CD99L2: variants seen among roughly 807,000 people sequenced by gnomAD.
CD99L2 encodes the protein CD99 molecule like 2, also known as CD99 antigen-like protein 2.
CD99L2 carries 24 observed loss-of-function variants against 27.3 expected under a neutral mutation model. The ratio of observed to expected loss-of-function variants is 0.88; its 90% CI spans 0.64 to 1.24. The LOEUF is 1.24. Ranked by LOEUF, CD99L2 falls within the 50% of genes most tolerant of loss-of-function variation. The pLI is 0.00. For synonymous variants in CD99L2, 97 were observed against 87.9 expected, an observed-to-expected ratio of 1.10 and a Z score of -0.58; for missense variants, 255 against 221.6, an observed-to-expected ratio of 1.15 and a Z score of -0.96.
intron 1 of CD99L2, among the ~76,000 whole-genome samples, chrX:150,871,247 C>A (rs2047151992): frequency 9.0e-6 from 1 of 111,536 alleles, no homozygotes; most frequent in Non-Finnish European, 1.9e-5. Context: ...AAGCTGTAAC[C>A]CCACACCAGA....
At position 150,896,688 on chromosome X, in the gene CD99L2, G is replaced by A. The variant is rs2047616574; in HGVS notation, c.67+1834C>T. On this transcript the variant is annotated intron_variant, in intron 1 of 10. Transcript: ENST00000370377. ...CTTTGTGATTGTCAGGCATCATATG[G>A]ATGATCAAACAAGTTCGGGGAACTC... Among the ~76,000 whole-genome samples, 3 of 112,584 alleles carry A rather than the reference G, an allele frequency of 2.7e-5. No individual in the cohort carries two copies. The South Asian group carries it at 1.1e-3, about 41-fold the overall frequency.
chrX:150,794,591 A>C (rs2045758613), intron 6 of CD99L2, among the ~76,000 whole-genome samples: 1 of 112,543 alleles, frequency 8.9e-6, no homozygotes, highest in Non-Finnish European at 1.9e-5. Context: ...TAAGAGTTTC[A>C]CACTCCACAC....
intron 1 of CD99L2, among the ~76,000 whole-genome samples, chrX:150,843,360 CTTTTCTGGGCTG>C (rs1234255718): frequency 8.9e-6 from 1 of 111,843 alleles, no homozygotes; most frequent in Non-Finnish European, 1.9e-5. Context: ...AATCCTGACC[CTTTTCTGGGCTG>C]GGCACAGTGG....
At chrX:150,812,431 G>A (rs910290416) in intron 4 of CD99L2, among the ~76,000 whole-genome samples, 1 of 112,069 alleles carries the variant, frequency 8.9e-6, no homozygotes. Context: ...AGGATATACA[G>A]ATGGCAAACA....
intron 1 of CD99L2, among the ~76,000 whole-genome samples, chrX:150,858,554 G>T (rs2046927695): frequency 8.9e-6 from 1 of 112,098 alleles, no homozygotes; most frequent in South Asian, 3.6e-4. Context: ...AAGAACTTTG[G>T]AAACTATGCC....
intron 1 of CD99L2, among the ~76,000 whole-genome samples, chrX:150,873,910 C>A (rs1201064349): frequency 8.9e-6 from 1 of 112,523 alleles, no homozygotes; most frequent in Admixed American, 9.4e-5. Context: ...TCTGAACCTG[C>A]TGCTGTGATT....
rs955297410 is a variant in CD99L2 at position 150,846,841 on chromosome X, T to C, written c.68-15548A>G. On this transcript the variant is annotated intron_variant, in intron 1 of 10. Transcript: ENST00000370377. ...GACAAGGCCACCCCAAATCAGTCTG[T>C]TGACTAATAACAAATGCACATGGTA... Among the ~76,000 whole-genome samples, 3 of 112,264 alleles carry C rather than the reference T, an allele frequency of 2.7e-5. No individual in the cohort carries two copies. The Admixed American group carries it at 2.8e-4, about 11-fold the overall frequency.
intron 1 of CD99L2, among the ~76,000 whole-genome samples, chrX:150,894,110 T>C (rs1557422979): frequency 8.9e-6 from 1 of 111,739 alleles, no homozygotes; most frequent in Non-Finnish European, 1.9e-5. Context: ...AACATTGTCA[T>C]CATCCCAAAC....
intron 1 of CD99L2, among the ~76,000 whole-genome samples, chrX:150,838,839 GCCA>G (rs2124260917): frequency 1.1e-5 from 1 of 88,998 alleles, no homozygotes; most frequent in South Asian, 6.2e-4. Flanking sequence ...ACAGGCATGA[GCCA>G]CCATGCCCAG....
chrX:150,833,816 G>A (rs1240850248), intron 1 of CD99L2, among the ~76,000 whole-genome samples: 1 of 111,538 alleles, frequency 9.0e-6, no homozygotes, highest in East Asian at 2.8e-4. Context: ...ACCTGAAACT[G>A]CAAAGCTACT....
intron 1 of CD99L2, among the ~76,000 whole-genome samples, chrX:150,863,219 A>C (rs1451093219): frequency 8.9e-6 from 1 of 112,192 alleles, no homozygotes; most frequent in East Asian, 2.8e-4. Flanking sequence ...TAAGGTGACA[A>C]ACAATGGCAG....
chrX:150,801,619 T>TA (rs201650151), intron 4 of CD99L2, among the ~76,000 whole-genome samples: 124 of 107,644 alleles, frequency 1.2e-3, no homozygotes, highest in Middle Eastern at 4.7e-3. Flanking sequence ...AAGACCTTAT[T>TA]AAAGAAAAAA....
intron 1 of CD99L2, among the ~76,000 whole-genome samples, chrX:150,878,769 C>T (rs1292091043): frequency 9.0e-6 from 1 of 111,660 alleles, no homozygotes; most frequent in African/African-American, 3.3e-5. Flanking sequence ...TTAATCAAAG[C>T]AACATTTAAA....
intron 4 of CD99L2, among the ~76,000 whole-genome samples, chrX:150,803,547 T>C (rs2045950831): frequency 8.9e-6 from 1 of 112,040 alleles, no homozygotes; most frequent in South Asian, 3.7e-4. Flanking sequence ...AATTTATAGT[T>C]ATAGTAATCA....
chrX:150,798,413 G>A (rs1040566444), intron 4 of CD99L2, among the ~76,000 whole-genome samples: 9 of 110,786 alleles, frequency 8.1e-5, no homozygotes, highest in Non-Finnish European at 1.3e-4. Flanking sequence ...TCAACAGTAT[G>A]TCAAGACCAT....
chrX:150,866,797 G>A (rs1488384570), intron 1 of CD99L2, among the ~76,000 whole-genome samples: 2 of 111,694 alleles, frequency 1.8e-5, no homozygotes. Flanking sequence ...TGATATACAT[G>A]TATCAGAGTA....
At chrX:150,782,650 C>G (rs992254494) in intron 7 of CD99L2, among the ~76,000 whole-genome samples, 11 of 111,809 alleles carry the variant, frequency 9.8e-5, no homozygotes, top group African/African-American at 3.3e-4. Context: ...GGGAGCTATT[C>G]CTCACATCTG....
At chrX:150,833,918 G>A (rs2046484963) in intron 1 of CD99L2, among the ~76,000 whole-genome samples, 1 of 111,614 alleles carries the variant, frequency 9.0e-6, no homozygotes, top group South Asian at 3.7e-4. Flanking sequence ...AAAAGTGAAA[G>A]TAGACAAATG....
chrX:150,777,653 C>G (rs1411168979), intron 7 of CD99L2, among the ~76,000 whole-genome samples, 171 bp from the exon 8 acceptor site: 1 of 112,882 alleles, frequency 8.9e-6, no homozygotes, highest in Non-Finnish European at 1.9e-5. Flanking sequence ...GGCCTGCTTT[C>G]TTATGCCTAC....
Sources: gnomAD v4.1 joint callset for allele counts (sites outside exome capture counted in the v4.1 genomes callset) on GRCh38, gnomAD v4.1.1 for gene constraint, MANE v1.5 for transcripts, NCBI Gene and HGNC (gene_info 2026-07-23, HGNC 2026-07-21) for gene names.